Variants in ADPRH observed in about 807,000 individuals in gnomAD.
ADPRH encodes ADP-ribose-L-arginine cleaving enzyme.
In ADPRH, 27 loss-of-function variants were observed where a neutral mutation model predicts 28.8. The observed-to-expected ratio is 0.94, with a 90% CI of 0.69 to 1.29. ADPRH has a LOEUF of 1.29. ADPRH is among the 50% of genes most tolerant of loss of function. The pLI is 0.00. For synonymous variants in ADPRH, 161 were observed against 166.9 expected (o/e 0.96, Z 0.27); for missense variants, 419 against 444.8 (o/e 0.94, Z 0.52).
chr3:119,582,472 G>T lies in ADPRH; in HGVS notation c.298+5G>T. The T allele has an allele frequency of 1.9e-6, 3 of 1,610,182 alleles. No homozygotes were observed. Among genetic ancestry groups the T allele is most frequent in the Non-Finnish European group, 2.5e-6 (3 of 1,176,950 alleles). On this transcript the variant is annotated splice_donor_5th_base_variant and intron_variant, in intron 3 of 4. Coordinates refer to ENST00000357003, the MANE Select transcript of ADPRH (RefSeq NM_001125.4). ...ACATGGATGGGCGGGCACCAGGTGA[G>T]CACAGCCGGTGGGAGGTGCAAGGAG... is the stretch of plus-strand genomic sequence containing the variant.
intron 3 of ADPRH, among the ~76,000 whole-genome samples, chr3:119,584,358 T>G (rs893549137): frequency 6.6e-6 from 1 of 151,560 alleles, no homozygotes; most frequent in Admixed American, 6.6e-5. Flanking sequence ...AGGTCAGGAG[T>G]TTGAGACTAG....
rs759014619 is a variant in ADPRH at position 119,586,425 on chromosome 3, C to A, written c.439C>A (p.Gln147Lys). Residue 147 changes from glutamine to lysine, a missense_variant, in exon 4 of 5, where the codon CAA becomes AAA. Physicochemically the swap from Gln to Lys is moderately conservative, Grantham distance 53. Coordinates refer to ENST00000357003, the MANE Select transcript of ADPRH (RefSeq NM_001125.4). ...CGGTCTCAGGTTCCCACACCATAGC[C>A]AACTGGACACACTGATCCAAGTGAG... is the stretch of plus-strand genomic sequence containing the variant. ...CIGLRFPHHS[Q>K]LDTLIQVSIE... 1 of 1,614,220 alleles carries A rather than the reference C, an allele frequency of 6.2e-7. No homozygotes were observed. The highest frequency in any genetic ancestry group is 8.5e-7 in the Non-Finnish European group (1 of 1,180,052).
intron 3 of ADPRH, among the ~76,000 whole-genome samples, chr3:119,583,907 A>G (rs1268224587): frequency 6.6e-6 from 1 of 151,706 alleles, no homozygotes; most frequent in Non-Finnish European, 1.5e-5. Flanking sequence ...CCTCCCAAGT[A>G]GCTGGGATTA....
rs140808023 is a variant in ADPRH, at chr3:119,587,700, A to T, written c.896A>T (p.His299Leu). 10 of 1,614,152 alleles carry T rather than the reference A, an allele frequency of 6.2e-6. 1 individual carries two copies. The Admixed American group carries it at 1.7e-4, about 27-fold the overall frequency. The stretch of plus-strand genomic sequence containing the variant: ...GAGCTTGCCCACCGAGCCTTTTTCC[A>T]TGGTGGAGACAGTGATTCTACAGCT... ...WKELAHRAFF[H>L]GGDSDSTAAI... Residue 299 changes from histidine (H) to leucine (L), a missense_variant, in exon 5 of 5, where the codon CAT (histidine) becomes CTT (leucine). His to Leu is a moderately conservative substitution (Grantham distance 99, BLOSUM62 -3). Transcript: ENST00000357003.
At chr3:119,584,694 T>C (rs1188621208) in intron 3 of ADPRH, among the ~76,000 whole-genome samples, 1 of 152,216 alleles carries the variant, frequency 6.6e-6, no homozygotes, top group Non-Finnish European at 1.5e-5. Flanking sequence ...CCATCTGACC[T>C]ACCTCTCCTA....
chr3:119,588,768 G>A lies in ADPRH; in HGVS notation c.*890G>A, dbSNP rs2082488966. 1 of 152,204 alleles carries A rather than the reference G, an allele frequency of 6.6e-6. No individual in the cohort carries two copies. The highest frequency in any genetic ancestry group is 1.5e-5 in the Non-Finnish European group (1 of 68,048). 9.4% of individuals were successfully genotyped at this position (152,204 alleles called of 1,614,324 possible). A position where few individuals can be genotyped will look rare whatever the true frequency, so the allele number is the denominator to read the frequency against. ...GAGATGCTGCTCTGAGCTGCTCTCA[G>A]TACTCTCCTCATCATGGCAGTTAAC... is the stretch of plus-strand genomic sequence containing the variant. On this transcript the variant is annotated 3_prime_UTR_variant, in exon 5 of 5. Transcript: ENST00000357003.
chr3:119,585,785 G>T (rs988003442), intron 3 of ADPRH, among the ~76,000 whole-genome samples: 3 of 152,074 alleles, frequency 2.0e-5, no homozygotes, highest in African/African-American at 7.2e-5. Flanking sequence ...TCCTGACCTC[G>T]TGATCTGCCT....
rs773945617 is a variant in ADPRH at position 119,587,477 on chromosome 3, A to G, written c.673A>G (p.Thr225Ala). 1.3e-6 allele frequency: 2 copies of G among 1,548,300 alleles called. No homozygotes were observed. Among genetic ancestry groups the G allele is most frequent in the Non-Finnish European group, 1.7e-6 (2 of 1,146,324 alleles). ...TCCTTTCTACAGGTCCTACTTCCAAACCAAATGGGAAAATTACCTAAAACT... is the reference window on the plus strand; with the variant it reads ...TCCTTTCTACAGGTCCTACTTCCAAGCCAAATGGGAAAATTACCTAAAACT... ...ENLQHWSYFQ[T>A]KWENYLKLRG... is the part of the protein sequence containing the mutation. The change falls in exon 5 of 5, where the codon ACC (threonine) becomes GCC (alanine). Residue 225 changes from threonine to alanine, a missense_variant. Transcript: ENST00000357003.
chr3:119,584,199 TTTAC>T (rs1179021318), intron 3 of ADPRH, among the ~76,000 whole-genome samples: 16 of 151,968 alleles, frequency 1.1e-4, no homozygotes, highest in African/African-American at 3.1e-4. Flanking sequence ...GTTTTTTATT[TTTAC>T]TTACTTGTAT....
At chr3:119,582,654 G>A (rs2082418714) in intron 3 of ADPRH, among the ~76,000 whole-genome samples, 187 bp downstream of exon 3, 1 of 152,228 alleles carries the variant, frequency 6.6e-6, no homozygotes, top group South Asian at 2.1e-4. Context: ...GCCAAGGTGA[G>A]AGAATCACTT....
intron 3 of ADPRH, 32 bp from the exon 4 acceptor site, chr3:119,586,253 T>C: frequency 6.2e-7 from 1 of 1,610,594 alleles, no homozygotes; most frequent in Admixed American, 1.7e-5. Flanking sequence ...TTGGTTATGC[T>C]AACCCCCATC....
intron 3 of ADPRH, among the ~76,000 whole-genome samples, chr3:119,584,100 A>G (rs1008620275): frequency 2.6e-5 from 4 of 152,066 alleles, no homozygotes; most frequent in African/African-American, 4.8e-5. Context: ...TTTTTTAAAA[A>G]ATAGATATGT....
intron 4 of ADPRH, 126 bp downstream of exon 4, chr3:119,586,771 T>C: frequency 7.5e-7 from 1 of 1,336,182 alleles, no homozygotes; most frequent in Non-Finnish European, 1.0e-6. Flanking sequence ...CAGCCCCCTT[T>C]CTACCCATCT....
rs776505195 is a variant in ADPRH, at chr3:119,582,422, A to G, written c.253A>G (p.Lys85Glu). ...GACTCAACTGTATTACCTCCTTGCTAAGCATTACCAAGACTGCATGGAAGA... is the reference window on the plus strand; with the variant it reads ...GACTCAACTGTATTACCTCCTTGCTGAGCATTACCAAGACTGCATGGAAGA... ...KLTQLYYLLA[K>E]HYQDCMEDMD... The change falls in exon 3 of 5, where the codon AAG (lysine) becomes GAG (glutamate). Residue 85 changes from lysine (K) to glutamate (E), a missense_variant. Transcript: ENST00000357003. The G allele has an allele frequency of 3.7e-6, 6 of 1,613,852 alleles. No individual in the cohort carries two copies. Among genetic ancestry groups the G allele is most frequent in the Middle Eastern group, 1.6e-4 (1 of 6,082 alleles).
Position 119,588,043 on chromosome 3 carries a change from G to T in ADPRH, c.*165G>T, listed in dbSNP as rs1274510530. The T allele has an allele frequency of 1.7e-5, 11 of 631,568 alleles. No individual in the cohort carries two copies. Among genetic ancestry groups the T allele is most frequent in the East Asian group, 3.0e-5 (1 of 33,574 alleles). The allele number at this position is 631,568 out of a possible 1,614,324, so 39.1% of individuals were successfully genotyped here. A position where few individuals can be genotyped will look rare whatever the true frequency, so the allele number is the denominator to read the frequency against. On this transcript the variant is annotated 3_prime_UTR_variant, in exon 5 of 5. Transcript: ENST00000357003. Reference sequence around the variant, plus strand: ...AGCTCAGTTTTTTCAGGCTCATCCTGTTCTTCCAGAATCTATCCCTTTTCT... The same window carrying T: ...AGCTCAGTTTTTTCAGGCTCATCCTTTTCTTCCAGAATCTATCCCTTTTCT...
rs746589265 is a variant in ADPRH, at chr3:119,586,420, A to G, written c.434A>G (p.His145Arg). Residue 145 changes from histidine (H) to arginine (R), a missense_variant, in exon 4 of 5, where the codon CAT becomes CGT. Physicochemically the swap from His to Arg is conservative, Grantham distance 29. Coordinates refer to ENST00000357003, the MANE Select transcript of ADPRH (RefSeq NM_001125.4). ...AMCIGLRFPH[H>R]SQLDTLIQVS... is the part of the protein sequence containing the mutation. ...TGCATCGGTCTCAGGTTCCCACACC[A>G]TAGCCAACTGGACACACTGATCCAA... The G allele has an allele frequency of 1.7e-5, 27 of 1,614,224 alleles. No individual in the cohort carries two copies. The highest frequency in any genetic ancestry group is 2.3e-5 in the Non-Finnish European group (27 of 1,180,046).
Position 119,582,250 on chromosome 3 carries a change from C to T in ADPRH, c.81C>T (p.Leu27=), listed in dbSNP as rs748554433. ...ACTACAATGGGAAGTGGGAGTTCCT[C>T]CAGGATGGGGAGAAGATACACCGGC... ...LGYYNGKWEF[L]QDGEKIHRQL... is the part of the protein sequence containing the mutation. Residue 27 remains leucine, a synonymous_variant, in exon 3 of 5, where the codon CTC becomes CTT. Coordinates refer to ENST00000357003, the MANE Select transcript of ADPRH (RefSeq NM_001125.4). The T allele has an allele frequency of 6.2e-6, 10 of 1,614,196 alleles. No individual in the cohort carries two copies. Among genetic ancestry groups the T allele is most frequent in the Non-Finnish European group, 8.5e-6 (10 of 1,180,046 alleles).
Position 119,588,894 on chromosome 3 carries a change from T to C in ADPRH, c.*1016T>C, listed in dbSNP as rs907586353. On this transcript the variant is annotated 3_prime_UTR_variant, in exon 5 of 5. Coordinates refer to ENST00000357003, the MANE Select transcript of ADPRH (RefSeq NM_001125.4). ...GCCAATAGGCATTAATCAGTATCTA[T>C]TGAGTGTTATGAACTAGCCTCCTAG... The C allele has an allele frequency of 2.6e-5, 4 of 152,250 alleles. No individual in the cohort carries two copies. Among genetic ancestry groups the C allele is most frequent in the African/African-American group, 7.2e-5 (3 of 41,462 alleles). The allele number at this position is 152,250 out of a possible 1,614,324, so 9.4% of individuals were successfully genotyped here.
At chr3:119,582,490 G>A (rs1577123207) in intron 3 of ADPRH, 23 bp downstream of exon 3, 1 of 1,598,808 alleles carries the variant, frequency 6.3e-7, no homozygotes, top group South Asian at 1.1e-5. Flanking sequence ...GGTGGGAGGT[G>A]CAAGGAGGGC....
Sources: allele counts gnomAD v4.1 joint callset (sites outside exome capture counted in the v4.1 genomes callset), GRCh38; gene constraint gnomAD v4.1.1; transcripts MANE v1.5; gene names NCBI Gene and HGNC (gene_info 2026-07-23, HGNC 2026-07-21).